Variants in CEACAM4 observed in about 807,000 individuals in gnomAD.
CEACAM4 encodes CEA cell adhesion molecule 4.
CEACAM4 carries 30 observed loss-of-function variants against 28.7 expected under a neutral mutation model. That is an observed-to-expected ratio of 1.05 (90% CI 0.78 to 1.42). The LOEUF is 1.42. Among genes scored for constraint, CEACAM4 ranks in the 40% most tolerant of loss-of-function variants. The probability of loss-of-function intolerance (pLI) is 0.00; values close to 1 mark genes in which losing one functional copy is unlikely to be tolerated. For synonymous variants in CEACAM4, 143 were observed against 126.5 expected (o/e 1.13, Z -0.87); for missense variants, 330 against 308.2 (o/e 1.07, Z -0.53).
chr19:41,617,400 C>G (rs1264866977), downstream of CEACAM4, among the ~76,000 whole-genome samples: 2 of 152,082 alleles, frequency 1.3e-5, no homozygotes, highest in Non-Finnish European at 2.9e-5. Context: ...TTGTAGTGAA[C>G]GATGATGAGA....
At chr19:41,626,857 T>G in intron 1 of CEACAM4, 43 bp downstream of exon 1, 1 of 1,573,978 alleles carries the variant, frequency 6.4e-7, no homozygotes, top group Non-Finnish European at 8.7e-7. Flanking sequence ...AGTCAGTCTC[T>G]GTGCTCCCTC....
At chr19:41,623,798 A>T (rs1396629155) in intron 2 of CEACAM4, among the ~76,000 whole-genome samples, 1 of 152,074 alleles carries the variant, frequency 6.6e-6, no homozygotes, top group African/African-American at 2.4e-5. Context: ...GCTCTGGCAT[A>T]TTTTTAAATA....
In CEACAM4 at chr19:41,620,197, G is replaced by A; in HGVS notation, c.627+14C>T. The A allele has an allele frequency of 3.3e-6, 5 of 1,494,106 alleles. No homozygotes were observed. The highest frequency in any genetic ancestry group is 3.5e-6 in the Non-Finnish European group (4 of 1,126,760). The allele number at this position is 1,494,106 out of a possible 1,614,324, so 92.6% of individuals were successfully genotyped here. On this transcript the variant is annotated intron_variant, in intron 5 of 6. Coordinates refer to ENST00000221954, the MANE Select transcript of CEACAM4 (RefSeq NM_001817.4). ...GACCCCAGTAGAAAAGGGCTGGGGA[G>A]GGAACAGGCTTACCGAGAAGGTGGA... is the stretch of plus-strand genomic sequence containing the variant.
chr19:41,626,467 A>G (rs1348250726), intron 1 of CEACAM4, among the ~76,000 whole-genome samples: 7 of 152,204 alleles, frequency 4.6e-5, no homozygotes, highest in Non-Finnish European at 8.8e-5. Flanking sequence ...TGCCTGGCAC[A>G]GGCTGCAGAC....
rs782211781 is a variant in CEACAM4, at chr19:41,620,577, G to C, written c.593C>G (p.Pro198Arg). The change falls in exon 4 of 7, where the codon CCT becomes CGT. Residue 198 changes from proline (P) to arginine (R), a missense_variant and splice_region_variant. Physicochemically the swap from Pro to Arg is moderately radical, Grantham distance 103. Coordinates refer to ENST00000221954, the MANE Select transcript of CEACAM4 (RefSeq NM_001817.4). ...LREQPPPAST[P>R]GHGPSHRSTF... ...ACCTGGGCTGAAGGGACACTCACCAGGGGTGGAGGCTGGGGGCGGCTGCTC... is the reference window on the plus strand; with the variant it reads ...ACCTGGGCTGAAGGGACACTCACCACGGGTGGAGGCTGGGGGCGGCTGCTC... The C allele has an allele frequency of 1.2e-6, 2 of 1,612,616 alleles. No individual in the cohort carries two copies. The highest frequency in any genetic ancestry group is 1.1e-5 in the South Asian group (1 of 91,016).
In CEACAM4 at chr19:41,619,335, A is replaced by G; in HGVS notation, c.730T>C (p.Ser244Pro). ...CQIDHKADVV[S>P] ...AGAGCAGCTCCCAGAGGAACCTAAG[A>G]GACCACATCTGCTTTGTGGTCGATC... The change falls in exon 7 of 7, where the codon TCT becomes CCT. Residue 244 changes from serine to proline, a missense_variant. Physicochemically the swap from Ser to Pro is moderately conservative, Grantham distance 74 (BLOSUM62 -1). Transcript: ENST00000221954. 1.9e-6 allele frequency: 3 copies of G among 1,613,560 alleles called. No homozygotes were observed. Among genetic ancestry groups the G allele is most frequent in the Non-Finnish European group, 1.7e-6 (2 of 1,179,478 alleles).
chr19:41,619,165 C>T lies in CEACAM4; in HGVS notation c.*165G>A, dbSNP rs1228455455. Reference sequence around the variant, plus strand: ...AGAGCCCAGGGCAACCTGTCAGGGTCTCCAGATATTCAGCAGGGACTCCCA... The same window carrying T: ...AGAGCCCAGGGCAACCTGTCAGGGTTTCCAGATATTCAGCAGGGACTCCCA... On this transcript the variant is annotated 3_prime_UTR_variant, in exon 7 of 7. Transcript: ENST00000221954. 1 of 640,072 alleles carries T rather than the reference C, an allele frequency of 1.6e-6. No homozygotes were observed. Among genetic ancestry groups the T allele is most frequent in the Non-Finnish European group, 2.8e-6 (1 of 362,192 alleles). The allele number at this position is 640,072 out of a possible 1,614,324, so 39.6% of individuals were successfully genotyped here. A position where few individuals can be genotyped will look rare whatever the true frequency, so the allele number is the denominator to read the frequency against.
intron 3 of CEACAM4, among the ~76,000 whole-genome samples, chr19:41,621,392 T>C (rs1238763587): frequency 6.9e-6 from 1 of 144,514 alleles, no homozygotes; most frequent in Non-Finnish European, 1.5e-5. Context: ...CTCCCTCCCT[T>C]CCTCCCTCCA....
At chr19:41,621,613 C>T (rs1473627662) in intron 3 of CEACAM4, 38 bp downstream of exon 3, 4 of 1,219,240 alleles carry the variant, frequency 3.3e-6, no homozygotes, top group Non-Finnish European at 4.8e-6. Flanking sequence ...CTGGGGTCAG[C>T]CTAGGGGTGG....
At chr19:41,626,041 T>A in intron 1 of CEACAM4, 81 bp from the exon 2 acceptor site, 1 of 1,310,496 alleles carries the variant, frequency 7.6e-7, no homozygotes. Context: ...CCTCAGCAGG[T>A]CTCCTCATCC....
chr19:41,620,165 C>T, intron 5 of CEACAM4, 46 bp downstream of exon 5: 2 of 1,475,472 alleles, frequency 1.4e-6, no homozygotes, highest in South Asian at 1.3e-5. Flanking sequence ...TGAGCCTGCA[C>T]TGTTGGGACC....
intron 5 of CEACAM4, 54 bp downstream of exon 5, chr19:41,620,157 A>G: frequency 6.9e-7 from 1 of 1,449,844 alleles, no homozygotes; most frequent in Non-Finnish European, 9.2e-7. Flanking sequence ...CCCTGCCCTG[A>G]GCCTGCACTG....
chr19:41,625,862 C>A lies in CEACAM4; in HGVS notation c.163G>T (p.Ala55Ser). Reference sequence around the variant, plus strand: ...TGAATAGTTTCTGAAATATTGCAGGCCAGTAGAAGAACATCCTTTCCCTCT... The same window carrying A: ...TGAATAGTTTCTGAAATATTGCAGGACAGTAGAAGAACATCCTTTCCCTCT... ...AAEGKDVLLL[A>S]CNISETIQAY... Residue 55 changes from alanine (A) to serine (S), a missense_variant, in exon 2 of 7, where the codon GCC becomes TCC. Ala to Ser is a moderately conservative substitution (Grantham distance 99). Transcript: ENST00000221954. 1.9e-6 allele frequency: 3 copies of A among 1,613,940 alleles called. No individual in the cohort carries two copies. The highest frequency in any genetic ancestry group is 2.5e-6 in the Non-Finnish European group (3 of 1,179,980).
At chr19:41,616,355 T>G (rs1217870635), downstream of CEACAM4, among the ~76,000 whole-genome samples, 5 of 152,164 alleles carry the variant, frequency 3.3e-5, no homozygotes, top group African/African-American at 1.2e-4. Flanking sequence ...TTCAGTGTGT[T>G]CTGATAGCCA....
At chr19:41,618,220 T>G (rs1317987709), downstream of CEACAM4, among the ~76,000 whole-genome samples, 3 of 152,084 alleles carry the variant, frequency 2.0e-5, no homozygotes, top group Non-Finnish European at 4.4e-5. Flanking sequence ...GCAGACAGGT[T>G]GTCCCATCGC....
At chr19:41,622,774 C>G (rs1427363629) in intron 2 of CEACAM4, among the ~76,000 whole-genome samples, 1 of 152,032 alleles carries the variant, frequency 6.6e-6, no homozygotes, top group Non-Finnish European at 1.5e-5. Flanking sequence ...TCTCTTTAAT[C>G]TCCTAATAAA....
chr19:41,621,737 G>T lies in CEACAM4; in HGVS notation c.456C>A (p.Ala152=). The part of the protein sequence containing the change: ...QNNVPGLPVG[A]VAGIVTGVLV... ...GGACCCCAGTCACGATGCCAGCGACGGCCCCCACAGGAAGGCCTGGGACGT... is the reference window on the plus strand; with the variant it reads ...GGACCCCAGTCACGATGCCAGCGACTGCCCCCACAGGAAGGCCTGGGACGT... The change falls in exon 3 of 7, where the codon GCC becomes GCA. Residue 152 remains alanine, a synonymous_variant. Transcript: ENST00000221954. 1 of 1,612,292 alleles carries T rather than the reference G, an allele frequency of 6.2e-7. No homozygotes were observed. The highest frequency in any genetic ancestry group is 8.5e-7 in the Non-Finnish European group (1 of 1,178,460).
chr19:41,614,597 A>G (rs548453125), downstream of CEACAM4, among the ~76,000 whole-genome samples: 45 of 152,160 alleles, frequency 3.0e-4, no homozygotes, highest in Admixed American at 7.2e-4. Context: ...TCCATCCTCC[A>G]CCTTGTCCCT....
chr19:41,626,964 G>A lies in CEACAM4; in HGVS notation c.-1C>T. Reference sequence around the variant, plus strand: ...GGGGAGCGGCTGAGGGGGGGCCCATGGTCTCTGCTGCCTGCTTGTCCTCTG... The same window carrying A: ...GGGGAGCGGCTGAGGGGGGGCCCATAGTCTCTGCTGCCTGCTTGTCCTCTG... On this transcript the variant is annotated 5_prime_UTR_variant, in exon 1 of 7. Coordinates refer to ENST00000221954, the MANE Select transcript of CEACAM4 (RefSeq NM_001817.4). 6.2e-7 allele frequency: 1 copy of A among 1,603,234 alleles called. No homozygotes were observed. Among genetic ancestry groups the A allele is most frequent in the East Asian group, 2.3e-5 (1 of 44,098 alleles).
Sources: gnomAD v4.1 joint callset for allele counts (sites outside exome capture counted in the v4.1 genomes callset) on GRCh38, gnomAD v4.1.1 for gene constraint, MANE v1.5 for transcripts, NCBI Gene and HGNC (gene_info 2026-07-23, HGNC 2026-07-21) for gene names.